The following FLT1 variants were observed in gnomAD, a reference collection of about 807,000 sequenced individuals.
FLT1 encodes the protein fms related receptor tyrosine kinase 1, also known as vascular endothelial growth factor receptor 1.
FLT1 carries 49 observed loss-of-function variants against 156.3 expected under a neutral mutation model. That is an observed-to-expected ratio of 0.31 (90% CI 0.25 to 0.40). FLT1 has a LOEUF of 0.40. FLT1 is among the 10% of genes least tolerant of loss of function. The probability of loss-of-function intolerance (pLI) is 1.00; values close to 1 mark genes in which losing one functional copy is unlikely to be tolerated. For missense variants in FLT1, 1,322 were observed against 1,637.2 expected, an observed-to-expected ratio of 0.81 and a Z score of 3.32; for synonymous variants, 594 against 583.8, an observed-to-expected ratio of 1.02 and a Z score of -0.25.
intron 1 of FLT1, among the ~76,000 whole-genome samples, chr13:28,483,216 G>C (rs1050574469): frequency 1.3e-5 from 2 of 152,156 alleles, no homozygotes; most frequent in African/African-American, 4.8e-5. Context: ...ATTAATCATA[G>C]ATGCAGTGTT....
intron 23 of FLT1, among the ~76,000 whole-genome samples, 163 bp from the exon 24 acceptor site, chr13:28,319,697 C>T (rs535302332): frequency 7.2e-5 from 11 of 152,206 alleles, no homozygotes; most frequent in East Asian, 5.8e-4. Context: ...TGCAGTGTTA[C>T]GCTAAAAGAG....
At chr13:28,457,673 T>C (rs1879340189) in intron 3 of FLT1, among the ~76,000 whole-genome samples, 1 of 152,216 alleles carries the variant, frequency 6.6e-6, no homozygotes, top group Non-Finnish European at 1.5e-5. Flanking sequence ...AGCATTTCAT[T>C]ATCATTGTTG....
At chr13:28,396,887 C>T (rs61763183) in intron 12 of FLT1, 73 bp downstream of exon 12, 28,200 of 890,768 alleles carry the variant, frequency 0.032, 641 homozygotes, top group East Asian at 0.082. Context: ...GCTATAAATG[C>T]ACTAAAAGCA....
intron 10 of FLT1, among the ~76,000 whole-genome samples, chr13:28,414,361 C>T (rs1483596268): frequency 6.6e-6 from 1 of 152,150 alleles, no homozygotes; most frequent in Non-Finnish European, 1.5e-5. Flanking sequence ...TTGTGAACTA[C>T]CTCAAATTCT....
intron 15 of FLT1, 89 bp from the exon 16 acceptor site, chr13:28,345,640 C>G: frequency 1.2e-6 from 1 of 835,274 alleles, no homozygotes; most frequent in East Asian, 2.7e-5. Context: ...GCTCAGTTTC[C>G]CTAAATGGTT....
At chr13:28,346,603 T>C (rs1276196376) in intron 15 of FLT1, among the ~76,000 whole-genome samples, 1 of 151,232 alleles carries the variant, frequency 6.6e-6, no homozygotes, top group African/African-American at 2.4e-5. Context: ...CCAGCTACTC[T>C]GGAGGCTGAG....
At chr13:28,309,002 C>T in intron 27 of FLT1, 75 bp from the exon 28 acceptor site, 1 of 838,064 alleles carries the variant, frequency 1.2e-6, no homozygotes, top group Admixed American at 1.8e-5. Flanking sequence ...ACCACAGGCA[C>T]CATATCCCAG....
At chr13:28,418,726 G>A (rs1272190473) in intron 10 of FLT1, among the ~76,000 whole-genome samples, 1 of 152,050 alleles carries the variant, frequency 6.6e-6, no homozygotes, top group African/African-American at 2.4e-5. Flanking sequence ...ACCATGCCCA[G>A]CTAATTTTTT....
chr13:28,363,837 ACCT>A (rs1873195623), intron 14 of FLT1, among the ~76,000 whole-genome samples: 1 of 152,088 alleles, frequency 6.6e-6, no homozygotes, highest in African/African-American at 2.4e-5. Flanking sequence ...TGAACTCCTG[ACCT>A]CAAGCGATCT....
At chr13:28,490,404 C>T (rs1881403900) in intron 1 of FLT1, among the ~76,000 whole-genome samples, 1 of 152,254 alleles carries the variant, frequency 6.6e-6, no homozygotes, top group Non-Finnish European at 1.5e-5. Flanking sequence ...CTTCAGCAGA[C>T]TCAATGCAAC....
At chr13:28,321,106 A>G (rs1398841685) in intron 23 of FLT1, among the ~76,000 whole-genome samples, 1 of 152,206 alleles carries the variant, frequency 6.6e-6, no homozygotes, top group Non-Finnish European at 1.5e-5. Context: ...TGAGGGAAAG[A>G]GTCCAGGCTG....
chr13:28,427,937 T>C lies in FLT1; in HGVS notation c.1107-16A>G, dbSNP rs1355067909. On this transcript the variant is annotated splice_polypyrimidine_tract_variant and intron_variant, in intron 8 of 29. Coordinates refer to ENST00000282397, the MANE Select transcript of FLT1 (RefSeq NM_002019.4). The stretch of plus-strand genomic sequence containing the variant: ...ATCTTTTAACCTGTGGTTAAAAACA[T>C]GATCAGTAAGTCATTTCACACGGCC... 1 of 1,611,262 alleles carries C rather than the reference T, an allele frequency of 6.2e-7. No homozygotes were observed. The highest frequency in any genetic ancestry group is 8.5e-7 in the Non-Finnish European group (1 of 1,177,482).
Position 28,495,125 on chromosome 13 carries a change from C to A in FLT1, c.-282G>T, listed in dbSNP as rs955686917. The stretch of plus-strand genomic sequence containing the variant: ...CGCGCTCCGAGCCTCCCGCGGACCT[C>A]GATGAAGAGCAGCCGAGGGCGGGGG... On this transcript the variant is annotated 5_prime_UTR_variant, in exon 1 of 30. Transcript: ENST00000282397. This position sits in a 1 kb window ranked among gnomAD's most constrained non-coding sequence, Gnocchi z 4.1. 7 of 435,910 alleles carry A rather than the reference C, an allele frequency of 1.6e-5. No individual in the cohort carries two copies. Among genetic ancestry groups the A allele is most frequent in the South Asian group, 9.6e-5 (2 of 20,738 alleles). 27.0% of individuals were successfully genotyped at this position (435,910 alleles called of 1,614,324 possible). A position where few individuals can be genotyped will look rare whatever the true frequency, so the allele number is the denominator to read the frequency against.
intron 6 of FLT1, among the ~76,000 whole-genome samples, chr13:28,431,747 C>T (rs572220088): frequency 2.5e-4 from 38 of 152,148 alleles, no homozygotes; most frequent in Non-Finnish European, 5.3e-4. Context: ...GCATAGATAT[C>T]GCACACAAAC....
rs747810981 is a variant in FLT1, at chr13:28,342,969, T to TC, written c.2355+2475_2355+2476insG. Among the ~76,000 whole-genome samples the TC allele has an allele frequency of 5.3e-3, 794 of 149,554 alleles. 13 individuals carry two copies. Among genetic ancestry groups the TC allele is most frequent in the African/African-American group, 0.019 (746 of 40,178 alleles). The stretch of plus-strand genomic sequence containing the variant: ...CTTTCTCTCTCTCTCTCTCTCTCTC[T>TC]TTCTTTCTTTCTTTTTCTTTCTTTT... On this transcript the variant is annotated intron_variant, in intron 16 of 29. Transcript: ENST00000282397.
intron 14 of FLT1, among the ~76,000 whole-genome samples, chr13:28,376,517 C>T (rs527734057): frequency 1.3e-5 from 2 of 152,120 alleles, no homozygotes; most frequent in Non-Finnish European, 2.9e-5. Flanking sequence ...CAAATATTTC[C>T]AGAGAGGGAG....
chr13:28,490,434 C>G (rs1881408176), intron 1 of FLT1, among the ~76,000 whole-genome samples: 1 of 152,226 alleles, frequency 6.6e-6, no homozygotes, highest in South Asian at 2.1e-4. Flanking sequence ...AATGAACCCC[C>G]CTGCAGCCCC....
intron 3 of FLT1, among the ~76,000 whole-genome samples, chr13:28,438,559 G>C (rs918478112): frequency 6.6e-6 from 1 of 152,162 alleles, no homozygotes; most frequent in Non-Finnish European, 1.5e-5. Context: ...TTTCATATCT[G>C]TTGTTGGCCT....
chr13:28,446,860 C>T (rs970734005), intron 3 of FLT1, among the ~76,000 whole-genome samples: 1 of 152,088 alleles, frequency 6.6e-6, no homozygotes, highest in African/African-American at 2.4e-5. Context: ...AAAGCAAAAA[C>T]AATCTTGGAA....
Sources: allele counts gnomAD v4.1 joint callset (sites outside exome capture counted in the v4.1 genomes callset), GRCh38; gene constraint gnomAD v4.1.1; non-coding constraint Gnocchi (gnomAD v3.1); transcripts MANE v1.5; gene names NCBI Gene and HGNC (gene_info 2026-07-23, HGNC 2026-07-21).